Variants in MUC3A observed in about 807,000 individuals in gnomAD.
The protein encoded by MUC3A is mucin-3A.
A neutral mutation model predicts 109.0 loss-of-function variants in MUC3A; 109 were observed. The observed-to-expected ratio is 1.00, with a 90% CI of 0.86 to 1.17. MUC3A has a LOEUF of 1.17. Ranked by LOEUF, MUC3A falls within the 50% of genes most tolerant of loss-of-function variation. The probability of loss-of-function intolerance (pLI) is 0.00; values close to 1 mark genes in which losing one functional copy is unlikely to be tolerated. For synonymous variants in MUC3A, 1,398 were observed against 981.4 expected (o/e 1.42, Z -7.93); for missense variants, 3,537 against 2,469.4 (o/e 1.43, Z -9.16).
Position 100,963,744 on chromosome 7 carries a change from G to A in MUC3A, c.9225G>A (p.Leu3075=), listed in dbSNP as rs1295106411. ...QGFTFKGVEI[L]SLRNGSIVVD... ...TCACCTTCAAGGGTGTGGAGATCCT[G>A]TCCCTGAGGTAGGAGACCCATCTGG... Residue 3075 remains leucine (L), a synonymous_variant, in exon 5 of 12, where the codon CTG becomes CTA. Coordinates refer to ENST00000379458, the MANE Select transcript of MUC3A (RefSeq NM_005960.2). The A allele has an allele frequency of 2.5e-6, 4 of 1,598,452 alleles. No homozygotes were observed. The highest frequency in any genetic ancestry group is 2.2e-5 in the South Asian group (2 of 91,094).
rs891599276 is a variant in MUC3A, at chr7:100,960,147, G to T, written c.8368G>T (p.Asp2790Tyr). 5.1e-6 allele frequency: 8 copies of T among 1,556,888 alleles called. No individual in the cohort carries two copies. The highest frequency in any genetic ancestry group is 1.3e-5 in the African/African-American group (1 of 74,272). Reference protein sequence around the residue: ...ASPTDPCVEMDPSTEATSPPT... With the variant: ...ASPTDPCVEMYPSTEATSPPT... ...CCCCACTGATCCATGTGTTGAAATG[G>T]ATCCCAGCACTGAAGCTACTTCTCC... The change falls in exon 2 of 12, where the codon GAT (aspartate) becomes TAT (tyrosine). Residue 2790 changes from aspartate to tyrosine, a missense_variant. Transcript: ENST00000379458.
At chr7:100,966,789 CCA>C in intron 10 of MUC3A, 46 bp downstream of exon 10, 2 of 1,598,454 alleles carry the variant, frequency 1.3e-6, no homozygotes, top group African/African-American at 1.3e-5. Context: ...TTCCTGGGCA[CCA>C]CTGCGAGGAC....
At chr7:100,966,627 C>A (rs1417231734) in intron 9 of MUC3A, 25 bp from the exon 10 acceptor site, 3 of 1,598,470 alleles carry the variant, frequency 1.9e-6, no homozygotes, top group Non-Finnish European at 2.5e-6. Context: ...CCGGCTCTGT[C>A]TGACCGCGCG....
rs997163843 is a variant in MUC3A at position 100,957,448 on chromosome 7, C to A, written c.5669C>A (p.Thr1890Lys). Residue 1890 changes from threonine to lysine, a missense_variant, in exon 2 of 12, where the codon ACA becomes AAA. By Grantham distance (78) the Thr-to-Lys change is moderately conservative. Coordinates refer to ENST00000379458, the MANE Select transcript of MUC3A (RefSeq NM_005960.2). Reference protein sequence around the residue: ...LTTVTATVPTTNLVTTTTKIT... With the variant: ...LTTVTATVPTKNLVTTTTKIT... ...ACAGTAACAGCCACAGTTCCAACAACAAACTTGGTAACCACGACCACCAAG... is the reference window on the plus strand; with the variant it reads ...ACAGTAACAGCCACAGTTCCAACAAAAAACTTGGTAACCACGACCACCAAG... 5 of 937,738 alleles carry A rather than the reference C, an allele frequency of 5.3e-6. No homozygotes were observed. The highest frequency in any genetic ancestry group is 6.5e-6 in the Non-Finnish European group (5 of 764,396). The allele number at this position is 937,738 out of a possible 1,614,324, so 58.1% of individuals were successfully genotyped here. A position where few individuals can be genotyped will look rare whatever the true frequency, so the allele number is the denominator to read the frequency against.
In MUC3A at chr7:100,957,799, C is replaced by A; in HGVS notation, c.6020C>A (p.Pro2007His). The change falls in exon 2 of 12, where the codon CCC becomes CAC. Residue 2007 changes from proline to histidine, a missense_variant. Coordinates refer to ENST00000379458, the MANE Select transcript of MUC3A (RefSeq NM_005960.2). ...ACCACCACCACCTCACACAGTACTC[C>A]CAGCTTCACTTCTTCCATCACCACC... ...TTTTTTSHSTPSFTSSITTTE... is the reference protein window; with the variant it reads ...TTTTTTSHSTHSFTSSITTTE... The A allele has an allele frequency of 9.0e-7, 1 of 1,106,292 alleles. No homozygotes were observed. Among genetic ancestry groups the A allele is most frequent in the Non-Finnish European group, 1.4e-6 (1 of 732,956 alleles). 68.5% of individuals were successfully genotyped at this position (1,106,292 alleles called of 1,614,324 possible).
At chr7:100,962,180 C>T (rs1221351478) in intron 3 of MUC3A, among the ~76,000 whole-genome samples, 1 of 96,332 alleles carries the variant, frequency 1.0e-5, no homozygotes, top group Non-Finnish European at 2.1e-5. Context: ...TGCAGTGAGC[C>T]GAGATCCCGC....
At position 100,960,120 on chromosome 7, in the gene MUC3A, TC is replaced by T. The variant is rs1306209366; in HGVS notation, c.8346del (p.Thr2783LeufsTer21). The T allele has an allele frequency of 2.6e-6, 4 of 1,542,806 alleles. No individual in the cohort carries two copies. In the African/African-American group the frequency reaches 5.4e-5, roughly 21 times the overall value. Reference sequence around the variant, plus strand: ...TATAACAATTACCATAGTCCCTGCCTCCCCCACTGATCCATGTGTTGAAATG... The same window carrying T: ...TATAACAATTACCATAGTCCCTGCCTCCCCACTGATCCATGTGTTGAAATG... ...GTITITIVPA[S>X]PTDPCVEMDP... On this transcript the variant is annotated frameshift_variant, in exon 2 of 12. Transcript: ENST00000379458. LOFTEE classifies it high-confidence loss of function.
In MUC3A at chr7:100,953,922, C is replaced by T; in HGVS notation, c.2143C>T (p.Pro715Ser). Reference sequence around the variant, plus strand: ...ATCTGAGACCACCTATCCTAATTCTCCGACTGGTCCTGGTACAAACTCCAC... The same window carrying T: ...ATCTGAGACCACCTATCCTAATTCTTCGACTGGTCCTGGTACAAACTCCAC... ...TTSETTYPNS[P>S]TGPGTNSTTE... Residue 715 changes from proline to serine, a missense_variant, in exon 2 of 12, where the codon CCG (proline) becomes TCG (serine). Transcript: ENST00000379458. The T allele has an allele frequency of 9.0e-6, 4 of 446,272 alleles. No homozygotes were observed. Among genetic ancestry groups the T allele is most frequent in the Non-Finnish European group, 1.2e-5 (3 of 255,576 alleles). 27.6% of individuals were successfully genotyped at this position (446,272 alleles called of 1,614,324 possible).
chr7:100,964,517 A>G, intron 5 of MUC3A, 178 bp from the exon 6 acceptor site: 1 of 1,047,910 alleles, frequency 9.5e-7, no homozygotes, highest in Non-Finnish European at 1.3e-6. Flanking sequence ...CTGCCTTCCC[A>G]GGCAGACCAA....
chr7:100,964,634 GC>G (rs1479273928), intron 5 of MUC3A, 60 bp from the exon 6 acceptor site: 1 of 1,546,596 alleles, frequency 6.5e-7, no homozygotes, highest in Non-Finnish European at 8.7e-7. Flanking sequence ...TTCTGGAGGT[GC>G]CCCTCCAAGG....
intron 11 of MUC3A, 59 bp from the exon 12 acceptor site, chr7:100,967,062 C>T (rs587612829): frequency 1.8e-3 from 2,800 of 1,597,478 alleles, no homozygotes; most frequent in Non-Finnish European, 1.6e-3. Flanking sequence ...CAGCAGTGAC[C>T]TCCCTGTCAG....
At chr7:100,951,149 G>A (rs993412458) in intron 1 of MUC3A, among the ~76,000 whole-genome samples, 5 of 152,082 alleles carry the variant, frequency 3.3e-5, no homozygotes, top group Non-Finnish European at 7.4e-5. Context: ...ACGCCACTAC[G>A]CCTGGCTAAT....
chr7:100,952,482 A>G lies in MUC3A; in HGVS notation c.703A>G (p.Ser235Gly), dbSNP rs762341908. Residue 235 changes from serine (S) to glycine (G), a missense_variant, in exon 2 of 12, where the codon AGC (serine) becomes GGC (glycine). Transcript: ENST00000379458. ...TTERTPLPTG[S>G]IHTTTSPTPV... ...AGAAAGGACTCCCCTGCCCACTGGAAGCATCCATACAACCACGTCCCCAAC... is the reference window on the plus strand; with the variant it reads ...AGAAAGGACTCCCCTGCCCACTGGAGGCATCCATACAACCACGTCCCCAAC... 1.1e-3 allele frequency: 1,687 copies of G among 1,587,154 alleles called. No homozygotes were observed. In the East Asian group the frequency reaches 0.018, roughly 17 times the overall value.
At chr7:100,965,110 G>A (rs1452018100) in intron 6 of MUC3A, 172 bp from the exon 7 acceptor site, 2 of 1,006,926 alleles carry the variant, frequency 2.0e-6, no homozygotes, top group Non-Finnish European at 2.8e-6. Flanking sequence ...GGGGAGATGA[G>A]GCAGGCAACA....
chr7:100,965,776 G>A lies in MUC3A; in HGVS notation c.9521G>A (p.Arg3174His), dbSNP rs1019801182. 3.8e-6 allele frequency: 6 copies of A among 1,597,822 alleles called. No homozygotes were observed. Among genetic ancestry groups the A allele is most frequent in the Non-Finnish European group, 4.2e-6 (5 of 1,179,330 alleles). ...YFPLVEATRL[R>H]CVTKCTSGVD... Reference sequence around the variant, plus strand: ...CCCTTGGTGGAGGCCACCCGGCTCCGCTGTGTCACCAAATGCACGTCGGGG... The same window carrying A: ...CCCTTGGTGGAGGCCACCCGGCTCCACTGTGTCACCAAATGCACGTCGGGG... Residue 3174 changes from arginine (R) to histidine (H), a missense_variant, in exon 8 of 12, where the codon CGC becomes CAC. Transcript: ENST00000379458.
rs963866605 is a variant in MUC3A, at chr7:100,954,744, C to T, written c.2965C>T (p.Leu989=). Residue 989 remains leucine, a synonymous_variant, in exon 2 of 12, where the codon CTG becomes TTG. Transcript: ENST00000379458. Reference sequence around the variant, plus strand: ...AGCCACATTCCCTGAGACCACTACACTGACTCCTACAACTGACATTTCTAC... The same window carrying T: ...AGCCACATTCCCTGAGACCACTACATTGACTCCTACAACTGACATTTCTAC... ...STATFPETTT[L]TPTTDISTVS... The T allele has an allele frequency of 2.7e-4, 108 of 401,354 alleles. No homozygotes were observed. Among genetic ancestry groups the T allele is most frequent in the Non-Finnish European group, 4.4e-4 (100 of 228,082 alleles). 24.9% of individuals were successfully genotyped at this position (401,354 alleles called of 1,614,324 possible).
intron 5 of MUC3A, chr7:100,964,180 C>A: frequency 3.4e-6 from 1 of 294,006 alleles, no homozygotes; most frequent in Non-Finnish European, 6.4e-6. Context: ...CTCACACTTG[C>A]AATCCTAGCA....
At chr7:100,965,597 C>T in intron 7 of MUC3A, 107 bp from the exon 8 acceptor site, 1 of 1,519,468 alleles carries the variant, frequency 6.6e-7, no homozygotes, top group Non-Finnish European at 8.8e-7. Flanking sequence ...AGCATCCCAC[C>T]TCGGAAATGG....
At chr7:100,966,120 G>T (rs1490223999) in intron 8 of MUC3A, 2 of 555,248 alleles carry the variant, frequency 3.6e-6, no homozygotes, top group Non-Finnish European at 2.7e-6. Flanking sequence ...GTGGGGCCCC[G>T]CCTCCTCGTT....
Sources: gnomAD v4.1 joint callset for allele counts (sites outside exome capture counted in the v4.1 genomes callset) on GRCh38, gnomAD v4.1.1 for gene constraint, MANE v1.5 for transcripts, NCBI Gene and HGNC (gene_info 2026-07-23, HGNC 2026-07-21) for gene names.